Variants in SPACA7 observed in about 807,000 individuals in gnomAD.
The protein encoded by SPACA7 is sperm acrosome-associated protein 7.
A neutral mutation model predicts 26.3 loss-of-function variants in SPACA7; 19 were observed. The observed-to-expected ratio is 0.72, with a 90% CI of 0.50 to 1.06. The LOEUF is 1.06. SPACA7 is among the 50% of genes least tolerant of loss of function. The pLI is 0.00. For missense variants in SPACA7, 211 were observed against 229.9 expected (o/e 0.92, Z 0.53); for synonymous variants, 84 against 84.5 (o/e 0.99, Z 0.04).
chr13:112,410,852 T>A (rs1886302447), intron 5 of SPACA7, among the ~76,000 whole-genome samples: 2 of 152,192 alleles, frequency 1.3e-5, no homozygotes, highest in Admixed American at 6.5e-5. Context: ...TTTATACCCC[T>A]GTGTTCATAG....
intron 5 of SPACA7, among the ~76,000 whole-genome samples, chr13:112,404,244 T>C (rs1218031889): frequency 2.0e-5 from 3 of 152,244 alleles, no homozygotes; most frequent in Admixed American, 6.5e-5. Context: ...TGTCTATTCA[T>C]GTCCTCAGCC....
chr13:112,410,352 A>C (rs2139000145), intron 5 of SPACA7, among the ~76,000 whole-genome samples: 1 of 151,778 alleles, frequency 6.6e-6, no homozygotes, highest in East Asian at 1.9e-4. Flanking sequence ...GTACCCTAGA[A>C]CTTAAAGTAC....
At chr13:112,382,224 G>A (rs1884118648) in intron 1 of SPACA7, 6 of 514,506 alleles carry the variant, frequency 1.2e-5, no homozygotes, top group Non-Finnish European at 2.0e-5. Flanking sequence ...CTCCCTTTGG[G>A]TTTTATAGCA....
intron 5 of SPACA7, 104 bp downstream of exon 5, chr13:112,401,268 CA>C: frequency 1.2e-6 from 1 of 802,378 alleles, no homozygotes; most frequent in Non-Finnish European, 2.1e-6. Flanking sequence ...CTTGTTATGC[CA>C]TTAGGTTTCC....
chr13:112,391,573 C>A (rs766193712), intron 1 of SPACA7, among the ~76,000 whole-genome samples: 2 of 152,152 alleles, frequency 1.3e-5, no homozygotes, highest in Non-Finnish European at 2.9e-5. Flanking sequence ...AATTACATGG[C>A]GTGCGGCACC....
At chr13:112,383,787 T>C (rs1884361352) in intron 1 of SPACA7, among the ~76,000 whole-genome samples, 1 of 152,238 alleles carries the variant, frequency 6.6e-6, no homozygotes, top group Admixed American at 6.5e-5. Context: ...ACTTTGATTC[T>C]TTAAAGAAGC....
At chr13:112,411,793 C>T (rs1566478029) in intron 5 of SPACA7, among the ~76,000 whole-genome samples, 1 of 152,078 alleles carries the variant, frequency 6.6e-6, no homozygotes, top group Non-Finnish European at 1.5e-5. Flanking sequence ...AATAGTATTC[C>T]ATTAGTATTC....
intron 5 of SPACA7, among the ~76,000 whole-genome samples, chr13:112,429,324 C>T (rs1876839189): frequency 1.3e-5 from 2 of 149,758 alleles, no homozygotes; most frequent in African/African-American, 4.9e-5. Flanking sequence ...TGCAGTGAGC[C>T]AAGATGGTGC....
chr13:112,407,166 C>T (rs1720295020), intron 5 of SPACA7, among the ~76,000 whole-genome samples: 1 of 152,050 alleles, frequency 6.6e-6, no homozygotes, highest in African/African-American at 2.4e-5. Flanking sequence ...TCTTTGAAAC[C>T]AATGAGAACA....
rs1230784596 is a variant in SPACA7, at chr13:112,379,381, C to G, written c.94+2902C>G. Among the ~76,000 whole-genome samples, 4 of 152,132 alleles carry G rather than the reference C, an allele frequency of 2.6e-5. No homozygotes were observed. The South Asian group carries it at 8.3e-4, about 32-fold the overall frequency. Reference sequence around the variant, plus strand: ...AGCATCAGAGTAAAACAATAATTGTCTTGAATGACAAAAGACATAAAATGC... The same window carrying G: ...AGCATCAGAGTAAAACAATAATTGTGTTGAATGACAAAAGACATAAAATGC... On this transcript the variant is annotated intron_variant, in intron 1 of 6. Coordinates refer to ENST00000283550, the MANE Select transcript of SPACA7 (RefSeq NM_145248.5).
chr13:112,390,360 G>T (rs1211107042), intron 1 of SPACA7, among the ~76,000 whole-genome samples: 3 of 152,148 alleles, frequency 2.0e-5, no homozygotes, highest in Non-Finnish European at 4.4e-5. Context: ...GGTCAGGAGG[G>T]TTTTAGAAGG....
rs564772362 is a variant in SPACA7 at position 112,412,702 on chromosome 13, T to G, written c.445+11538T>G. On this transcript the variant is annotated intron_variant, in intron 5 of 6. Coordinates refer to ENST00000283550, the MANE Select transcript of SPACA7 (RefSeq NM_145248.5). ...TGTCCAGTTTTCCCAGAACCATTTA[T>G]AAAGGAGACTATCCTTTTTCAAATG... Among the ~76,000 whole-genome samples the G allele has an allele frequency of 2.6e-5, 4 of 152,322 alleles. No individual in the cohort carries two copies. The South Asian group carries it at 8.3e-4, about 32-fold the overall frequency.
At chr13:112,416,090 A>G (rs1434780198) in intron 5 of SPACA7, among the ~76,000 whole-genome samples, 1 of 151,692 alleles carries the variant, frequency 6.6e-6, no homozygotes, top group African/African-American at 2.4e-5. Context: ...TGTCCTTCCT[A>G]CCTTCTTCAA....
intron 5 of SPACA7, among the ~76,000 whole-genome samples, chr13:112,408,337 C>G (rs1886124680): frequency 2.0e-5 from 3 of 152,170 alleles, no homozygotes; most frequent in Admixed American, 2.0e-4. Context: ...CTCACCACTC[C>G]TATTCAACAT....
At chr13:112,411,072 T>A (rs937398324) in intron 5 of SPACA7, among the ~76,000 whole-genome samples, 2 of 151,900 alleles carry the variant, frequency 1.3e-5, no homozygotes, top group Middle Eastern at 3.2e-3. Flanking sequence ...ATGTGACTGG[T>A]AATTCATCAC....
chr13:112,393,295 C>T (rs1479193015), intron 2 of SPACA7, among the ~76,000 whole-genome samples: 2 of 150,894 alleles, frequency 1.3e-5, no homozygotes, highest in Non-Finnish European at 3.0e-5. Context: ...TAGACCATTA[C>T]ACCTAAAAAG....
intron 5 of SPACA7, among the ~76,000 whole-genome samples, chr13:112,409,850 GC>G (rs1220525066): frequency 1.3e-5 from 2 of 152,172 alleles, no homozygotes; most frequent in Non-Finnish European, 2.9e-5. Context: ...ATTTGACCCA[GC>G]CATCCCATTA....
In SPACA7 at chr13:112,382,388, G is replaced by A. The variant is rs1030129956; in HGVS notation, c.94+5909G>A. 3.2e-5 allele frequency: 49 copies of A among 1,534,160 alleles called. No homozygotes were observed. The East Asian group carries it at 4.7e-4, about 15-fold the overall frequency. On this transcript the variant is annotated intron_variant, in intron 1 of 6. Coordinates refer to ENST00000283550, the MANE Select transcript of SPACA7 (RefSeq NM_145248.5). ...GCTGGGACTACAGGCATGAGCCACCGTGCCTGGCCAATAACACCTTAATCT... is the reference window on the plus strand; with the variant it reads ...GCTGGGACTACAGGCATGAGCCACCATGCCTGGCCAATAACACCTTAATCT...
At chr13:112,415,033 C>T (rs1886599446) in intron 5 of SPACA7, among the ~76,000 whole-genome samples, 1 of 152,252 alleles carries the variant, frequency 6.6e-6, no homozygotes. Flanking sequence ...TTTTGCACTA[C>T]AGAGCATCCT....
Sources: gnomAD v4.1 joint callset for allele counts (sites outside exome capture counted in the v4.1 genomes callset) on GRCh38, gnomAD v4.1.1 for gene constraint, MANE v1.5 for transcripts, NCBI Gene and HGNC (gene_info 2026-07-23, HGNC 2026-07-21) for gene names.